The following IL1RAPL2 variants were observed in gnomAD, a reference collection of about 807,000 sequenced individuals.
IL1RAPL2 encodes X-linked interleukin-1 receptor accessory protein-like 2.
A neutral mutation model predicts 44.1 loss-of-function variants in IL1RAPL2; 3 were observed. The ratio of observed to expected loss-of-function variants is 0.07; its 90% CI spans 0.03 to 0.18. The LOEUF is 0.18. IL1RAPL2 is among the 10% of genes least tolerant of loss of function. IL1RAPL2 has a pLI of 1.00. For synonymous variants in IL1RAPL2, 181 were observed against 178.8 expected (o/e 1.01, Z -0.10); for missense variants, 391 against 496.4 (o/e 0.79, Z 2.02).
rs963191307 is a variant in IL1RAPL2 at position 104,936,684 on chromosome X, G to A, written c.83-258791G>A. Among the ~76,000 whole-genome samples, 6 of 102,397 alleles carry A rather than the reference G, an allele frequency of 5.9e-5. No homozygotes were observed. In the East Asian group the frequency reaches 9.3e-4, roughly 16 times the overall value. The allele number at this position is 102,397 out of a possible 115,157, so 88.9% of individuals were successfully genotyped here. ...GTTGCCCAGGCTAGAGTGCAATGGCGCGATCTCGGCTCACTGCAAGCTCTG... is the reference window on the plus strand; with the variant it reads ...GTTGCCCAGGCTAGAGTGCAATGGCACGATCTCGGCTCACTGCAAGCTCTG... On this transcript the variant is annotated intron_variant, in intron 2 of 10. Coordinates refer to ENST00000372582, the MANE Select transcript of IL1RAPL2 (RefSeq NM_017416.2).
At chrX:104,955,208 G>T (rs1024835377) in intron 2 of IL1RAPL2, among the ~76,000 whole-genome samples, 2 of 111,285 alleles carry the variant, frequency 1.8e-5, no homozygotes, top group African/African-American at 6.5e-5. Context: ...CTTAGCCAGA[G>T]ATTCACTTAA....
intron 6 of IL1RAPL2, among the ~76,000 whole-genome samples, chrX:105,620,841 G>T (rs374692790): frequency 6.3e-5 from 7 of 111,261 alleles, no homozygotes; most frequent in African/African-American, 2.0e-4. Context: ...TTTTTAAAGC[G>T]GTCATCTTTA....
At chrX:104,770,642 G>T (rs1359715464) in intron 2 of IL1RAPL2, among the ~76,000 whole-genome samples, 2 of 112,261 alleles carry the variant, frequency 1.8e-5, no homozygotes, top group Non-Finnish European at 3.8e-5. Context: ...TCAGAGCCAT[G>T]ATTTAAAGCG....
At chrX:105,405,240 A>G (rs896246614) in intron 5 of IL1RAPL2, among the ~76,000 whole-genome samples, 1 of 111,752 alleles carries the variant, frequency 8.9e-6, no homozygotes, top group Admixed American at 9.5e-5. Context: ...ACAGAACTTG[A>G]TATAAATACT....
At chrX:105,326,116 A>G (rs2034936252) in intron 5 of IL1RAPL2, among the ~76,000 whole-genome samples, 1 of 111,573 alleles carries the variant, frequency 9.0e-6, no homozygotes, top group Non-Finnish European at 1.9e-5. Context: ...ACAGTGGTGC[A>G]GTCATAGCTC....
chrX:104,624,190 A>T (rs1426398062), intron 1 of IL1RAPL2, among the ~76,000 whole-genome samples: 3 of 111,663 alleles, frequency 2.7e-5, no homozygotes, highest in African/African-American at 9.8e-5. Flanking sequence ...TGCCTCAAAC[A>T]CCTGGGTTTT....
intron 2 of IL1RAPL2, among the ~76,000 whole-genome samples, chrX:105,046,643 C>G (rs1244107527): frequency 9.0e-6 from 1 of 110,971 alleles, no homozygotes; most frequent in African/African-American, 3.3e-5. Context: ...AGAACCTTGG[C>G]TATAATTTTA....
intron 1 of IL1RAPL2, among the ~76,000 whole-genome samples, chrX:104,619,296 C>T (rs964321261): frequency 2.7e-5 from 3 of 112,204 alleles, no homozygotes; most frequent in Non-Finnish European, 5.6e-5. Flanking sequence ...GGGAAAATGC[C>T]TGCAACTTTT....
chrX:105,281,475 C>T (rs1265483486), intron 5 of IL1RAPL2, among the ~76,000 whole-genome samples: 1 of 112,327 alleles, frequency 8.9e-6, no homozygotes, highest in Non-Finnish European at 1.9e-5. Context: ...CTTAATACAT[C>T]ATATTAATTG....
intron 2 of IL1RAPL2, among the ~76,000 whole-genome samples, chrX:104,814,597 C>T (rs1185069690): frequency 8.9e-6 from 1 of 111,753 alleles, no homozygotes; most frequent in Non-Finnish European, 1.9e-5. Flanking sequence ...CTTTAGATTC[C>T]CACTACCATT....
chrX:105,567,755 C>G (rs963054347), intron 6 of IL1RAPL2, among the ~76,000 whole-genome samples: 9 of 111,252 alleles, frequency 8.1e-5, no homozygotes, highest in African/African-American at 2.9e-4. Flanking sequence ...ATTTTCTGGC[C>G]TGGAAAATTT....
At chrX:105,378,647 A>C (rs2035406014) in intron 5 of IL1RAPL2, among the ~76,000 whole-genome samples, 1 of 111,894 alleles carries the variant, frequency 8.9e-6, no homozygotes, top group African/African-American at 3.2e-5. Flanking sequence ...ATTGAGAAAA[A>C]AATGTTTTTT....
At chrX:105,656,257 A>G (rs761639486) in intron 6 of IL1RAPL2, among the ~76,000 whole-genome samples, 3 of 112,000 alleles carry the variant, frequency 2.7e-5, no homozygotes, top group Non-Finnish European at 5.6e-5. Context: ...CATTTTAAAA[A>G]TCTTTTATTG....
intron 1 of IL1RAPL2, among the ~76,000 whole-genome samples, chrX:104,579,704 A>G (rs1162986828): frequency 3.6e-5 from 4 of 111,463 alleles, no homozygotes; most frequent in Non-Finnish European, 7.5e-5. Context: ...CCTGTAACAC[A>G]TAGTTTACCT....
At chrX:105,693,368 G>C (rs1453082388) in intron 6 of IL1RAPL2, among the ~76,000 whole-genome samples, 2 of 111,564 alleles carry the variant, frequency 1.8e-5, no homozygotes, top group Non-Finnish European at 3.8e-5. Context: ...CATCCTCATA[G>C]TAATGAGTGA....
intron 6 of IL1RAPL2, among the ~76,000 whole-genome samples, chrX:105,614,896 G>A (rs1470483972): frequency 2.7e-5 from 3 of 111,417 alleles, no homozygotes; most frequent in Middle Eastern, 4.6e-3. Context: ...GAGACAGCAC[G>A]TAGAATGGGA....
intron 5 of IL1RAPL2, among the ~76,000 whole-genome samples, chrX:105,473,356 A>G (rs184401833): frequency 8.7e-4 from 97 of 111,979 alleles, no homozygotes; most frequent in Non-Finnish European, 1.7e-3. Flanking sequence ...GGAGGAGGAT[A>G]AAGTGATAAT....
At chrX:105,066,016 A>C (rs2032133364) in intron 2 of IL1RAPL2, among the ~76,000 whole-genome samples, 1 of 111,708 alleles carries the variant, frequency 9.0e-6, no homozygotes, top group Non-Finnish European at 1.9e-5. Context: ...AATAAGCTGA[A>C]CACTGCAAGT....
chrX:105,022,114 T>C (rs1296522065), intron 2 of IL1RAPL2, among the ~76,000 whole-genome samples: 3 of 110,919 alleles, frequency 2.7e-5, no homozygotes, highest in Non-Finnish European at 5.7e-5. Flanking sequence ...AAAGAAAATA[T>C]AGAATTAGAT....
Sources: gnomAD v4.1 joint callset for allele counts (sites outside exome capture counted in the v4.1 genomes callset) on GRCh38, gnomAD v4.1.1 for gene constraint, MANE v1.5 for transcripts, NCBI Gene and HGNC (gene_info 2026-07-23, HGNC 2026-07-21) for gene names.